The following CA10 variants were observed in gnomAD, a reference collection of about 807,000 sequenced individuals.
The protein encoded by CA10 is carbonic anhydrase 10 (inactive), also known as carbonic anhydrase-related protein 10.
Under a neutral mutation model 44.2 loss-of-function variants are expected in CA10, and 14 were observed. The observed-to-expected ratio is 0.32, with a 90% CI of 0.21 to 0.50. The LOEUF (loss-of-function observed/expected upper bound fraction) is 0.50, where lower values mean the gene tolerates loss of function less well. Among genes scored for constraint, CA10 ranks in the 20% least tolerant of loss-of-function variants. CA10 has a pLI of 0.99. For missense variants in CA10, 350 were observed against 409.7 expected, an observed-to-expected ratio of 0.85 and a Z score of 1.26; for synonymous variants, 159 against 141.6, an observed-to-expected ratio of 1.12 and a Z score of -0.87.
At chr17:51,937,250 A>T (rs896891516) in intron 2 of CA10, among the ~76,000 whole-genome samples, 2 of 152,130 alleles carry the variant, frequency 1.3e-5, no homozygotes, top group African/African-American at 4.8e-5. Context: ...ATAAGAACTC[A>T]TATCTTTCCC....
intron 4 of CA10, among the ~76,000 whole-genome samples, chr17:51,690,996 A>G (rs1449790347): frequency 1.3e-5 from 2 of 152,170 alleles, no homozygotes; most frequent in East Asian, 3.8e-4. Flanking sequence ...CACTTAGGTT[A>G]ATTTCATATC....
At chr17:51,674,926 T>C (rs1226316420) in intron 4 of CA10, among the ~76,000 whole-genome samples, 2 of 152,228 alleles carry the variant, frequency 1.3e-5, no homozygotes, top group Non-Finnish European at 2.9e-5. Context: ...TGCTAATAAC[T>C]ACTTAAAATG....
intron 7 of CA10, among the ~76,000 whole-genome samples, chr17:51,635,283 C>G (rs1405702932): frequency 1.3e-5 from 2 of 152,036 alleles, no homozygotes; most frequent in African/African-American, 4.8e-5. Flanking sequence ...GAGGTCGAGG[C>G]AAATGGATTA....
At chr17:52,136,916 C>T (rs2143369050) in intron 1 of CA10, among the ~76,000 whole-genome samples, 1 of 152,156 alleles carries the variant, frequency 6.6e-6, no homozygotes, top group Admixed American at 6.5e-5. Context: ...TTGGAAAATA[C>T]CTCAGTTGTA....
At chr17:52,071,217 G>A (rs184727519) in intron 2 of CA10, among the ~76,000 whole-genome samples, 1 of 152,284 alleles carries the variant, frequency 6.6e-6, no homozygotes, top group East Asian at 1.9e-4. Context: ...TAGAATAGAT[G>A]TGCCATAGTA....
intron 2 of CA10, among the ~76,000 whole-genome samples, chr17:51,968,826 T>C (rs1984173648): frequency 6.6e-6 from 1 of 151,984 alleles, no homozygotes. Flanking sequence ...ACTCACCAAG[T>C]AGTTTTAGGA....
At chr17:52,033,177 C>G (rs1262550130) in intron 2 of CA10, among the ~76,000 whole-genome samples, 1 of 152,098 alleles carries the variant, frequency 6.6e-6, no homozygotes, top group African/African-American at 2.4e-5. Context: ...AATGAAAGAG[C>G]AAGGACAAAG....
At chr17:51,939,790 G>T (rs543559221) in intron 2 of CA10, among the ~76,000 whole-genome samples, 30 of 152,038 alleles carry the variant, frequency 2.0e-4, no homozygotes, top group African/African-American at 6.7e-4. Context: ...GTGAATTATG[G>T]AGATATTAAC....
intron 1 of CA10, among the ~76,000 whole-genome samples, chr17:52,129,441 T>C (rs1989185511): frequency 6.6e-6 from 1 of 152,196 alleles, no homozygotes; most frequent in South Asian, 2.1e-4. Flanking sequence ...GTAGATGCCA[T>C]TGCTATCCTC....
At chr17:51,794,523 CTATTTT>C (rs2143703555) in intron 3 of CA10, among the ~76,000 whole-genome samples, 1 of 152,284 alleles carries the variant, frequency 6.6e-6, no homozygotes, top group South Asian at 2.1e-4. Flanking sequence ...AACTAGGGTT[CTATTTT>C]TATTTAAAAT....
At chr17:52,154,546 T>C (rs77148227) in intron 1 of CA10, among the ~76,000 whole-genome samples, 1,901 of 152,292 alleles carry the variant, frequency 0.012, 36 homozygotes, top group African/African-American at 0.043. Context: ...CTTGCTGATC[T>C]GAGCTGCTTT....
chr17:51,833,384 C>A (rs1470794679), intron 3 of CA10, among the ~76,000 whole-genome samples: 1 of 152,168 alleles, frequency 6.6e-6, no homozygotes, highest in Non-Finnish European at 1.5e-5. Context: ...CATTTTTAAA[C>A]ATTTACCCTC....
intron 3 of CA10, among the ~76,000 whole-genome samples, chr17:51,849,366 T>A (rs1598080152): frequency 6.6e-6 from 1 of 150,858 alleles, no homozygotes. Context: ...CTTAATAAAA[T>A]GTTTGTTGAA....
Position 52,065,648 on chromosome 17 carries a change from C to A in CA10, c.136+6671G>T, listed in dbSNP as rs1456723913. On this transcript the variant is annotated intron_variant, in intron 2 of 8. Coordinates refer to ENST00000451037, the MANE Select transcript of CA10 (RefSeq NM_020178.5). ...TCCTTTGATTCTTTAGGGTAAAATC[C>A]AAACTTCTAGTTCCTTTCAGGTAAA... Among the ~76,000 whole-genome samples, 7 of 152,256 alleles carry A rather than the reference C, an allele frequency of 4.6e-5. No homozygotes were observed. The South Asian group carries it at 1.5e-3, about 32-fold the overall frequency.
At chr17:52,079,267 C>T (rs1001975545) in intron 1 of CA10, among the ~76,000 whole-genome samples, 1 of 151,976 alleles carries the variant, frequency 6.6e-6, no homozygotes, top group African/African-American at 2.4e-5. Context: ...GCCTGGGCGA[C>T]AGAGCGAAAC....
At chr17:52,001,515 G>T (rs141994575) in intron 2 of CA10, among the ~76,000 whole-genome samples, 2 of 151,908 alleles carry the variant, frequency 1.3e-5, no homozygotes, top group African/African-American at 2.4e-5. Context: ...ATTCTCTGCC[G>T]TTGCTGTTGC....
At chr17:51,968,884 A>G (rs1434287453) in intron 2 of CA10, among the ~76,000 whole-genome samples, 1 of 151,960 alleles carries the variant, frequency 6.6e-6, no homozygotes, top group Non-Finnish European at 1.5e-5. Flanking sequence ...ACAAACCTAT[A>G]AGGTGAACAC....
intron 3 of CA10, among the ~76,000 whole-genome samples, chr17:51,866,293 G>T (rs765949947): frequency 2.6e-5 from 4 of 152,124 alleles, no homozygotes; most frequent in Non-Finnish European, 5.9e-5. Flanking sequence ...ATAGTATATT[G>T]TCTCCATGCC....
At chr17:52,140,573 C>T (rs1338892947) in intron 1 of CA10, among the ~76,000 whole-genome samples, 1 of 152,100 alleles carries the variant, frequency 6.6e-6, no homozygotes, top group African/African-American at 2.4e-5. Flanking sequence ...ATTCTTAGCC[C>T]CTGGGCCTTA....
Sources: allele counts gnomAD v4.1 joint callset (sites outside exome capture counted in the v4.1 genomes callset), GRCh38; gene constraint gnomAD v4.1.1; transcripts MANE v1.5; gene names NCBI Gene and HGNC (gene_info 2026-07-23, HGNC 2026-07-21).